Variants in ANKEF1 observed in about 807,000 individuals in gnomAD.
ANKEF1 encodes ankyrin repeat and EF-hand domain containing 1, also known as ankyrin repeat and EF-hand domain-containing protein 1.
In ANKEF1, 43 loss-of-function variants were observed where a neutral mutation model predicts 65.1. The ratio of observed to expected loss-of-function variants is 0.66; its 90% CI spans 0.52 to 0.85. The LOEUF is 0.85. ANKEF1 is among the 40% of genes least tolerant of loss of function. The probability of loss-of-function intolerance (pLI) is 0.00; values close to 1 mark genes in which losing one functional copy is unlikely to be tolerated. For missense variants in ANKEF1, 934 were observed against 952.9 expected (o/e 0.98, Z 0.26); for synonymous variants, 316 against 341.5 (o/e 0.93, Z 0.82).
Position 10,055,546 on chromosome 20 carries a change from G to A in ANKEF1, c.2217G>A (p.Arg739=). 1 of 1,613,754 alleles carries A rather than the reference G, an allele frequency of 6.2e-7. No individual in the cohort carries two copies. Among genetic ancestry groups the A allele is most frequent in the South Asian group, 1.1e-5 (1 of 91,070 alleles). The change falls in exon 11 of 11, where the codon AGG becomes AGA. Residue 739 remains arginine, a synonymous_variant. Transcript: ENST00000378392. ...EATTAELIRK[R]ELRRERFTHE... is the part of the protein sequence containing the mutation. The stretch of plus-strand genomic sequence containing the variant: ...CAACAGCAGAGCTGATCAGGAAGAG[G>A]GAACTACGGCGAGAGAGGTTTACAC...
intron 2 of ANKEF1, 110 bp downstream of exon 2, chr20:10,035,752 A>G (rs1212263291): frequency 6.6e-6 from 1 of 152,256 alleles, no homozygotes; most frequent in African/African-American, 2.4e-5. Flanking sequence ...CCACTGTACC[A>G]AGCTTGTCTT....
chr20:10,049,767 A>T lies in ANKEF1; in HGVS notation c.1198A>T (p.Arg400Ter). The T allele has an allele frequency of 6.2e-7, 1 of 1,614,132 alleles. No individual in the cohort carries two copies. The highest frequency in any genetic ancestry group is 8.5e-7 in the Non-Finnish European group (1 of 1,180,016). Residue 400 changes from arginine to a stop codon, truncating the protein, a stop_gained, in exon 7 of 11, where the codon AGA becomes TGA. Coordinates refer to ENST00000378392, the MANE Select transcript of ANKEF1 (RefSeq NM_022096.6). LOFTEE classifies it high-confidence loss of function. ...TATTAATGAATTCTTTAAAGGAACC[A>T]GATATTTAAACAAGTCTTTTGTCTT... ...VNINEFFKGT[R>*]YLNKSFVLGS...
chr20:10,047,735 AC>A (rs1297515886), intron 6 of ANKEF1, among the ~76,000 whole-genome samples: 1 of 152,186 alleles, frequency 6.6e-6, no homozygotes, highest in Non-Finnish European at 1.5e-5. Flanking sequence ...GAACAACTTT[AC>A]CACAGAGGAG....
chr20:10,044,790 G>A lies in ANKEF1; in HGVS notation c.696+247G>A, dbSNP rs116375417. 7.3e-3 allele frequency among the ~76,000 whole-genome samples: 1,115 copies of A among 151,918 alleles called. 14 individuals carry two copies. The highest frequency in any genetic ancestry group is 0.026 in the African/African-American group (1,058 of 41,420). On this transcript the variant is annotated intron_variant, in intron 5 of 10. Coordinates refer to ENST00000378392, the MANE Select transcript of ANKEF1 (RefSeq NM_022096.6). ...ATTCATAGTATTTTTCTGTACACTCGATGATAACAATTTAAAACTTCTGCC... is the reference window on the plus strand; with the variant it reads ...ATTCATAGTATTTTTCTGTACACTCAATGATAACAATTTAAAACTTCTGCC...
At chr20:10,050,671 G>T (rs1178312534) in intron 7 of ANKEF1, among the ~76,000 whole-genome samples, 2 of 152,132 alleles carry the variant, frequency 1.3e-5, no homozygotes. Flanking sequence ...TGAAGTGAAG[G>T]CCAGTAAGTG....
intron 3 of ANKEF1, among the ~76,000 whole-genome samples, chr20:10,041,472 A>G (rs1883038530): frequency 6.6e-6 from 1 of 151,964 alleles, no homozygotes; most frequent in South Asian, 2.1e-4. Flanking sequence ...TACCTCTGCT[A>G]CTTCCCTTCT....
chr20:10,048,219 A>ATGTGTG (rs140100391), intron 6 of ANKEF1, among the ~76,000 whole-genome samples: 3 of 149,972 alleles, frequency 2.0e-5, no homozygotes, highest in African/African-American at 7.3e-5. Context: ...TAGTATAAAA[A>ATGTGTG]TGTGTGTGTG....
intron 3 of ANKEF1, among the ~76,000 whole-genome samples, chr20:10,040,178 T>G (rs1297821800): frequency 6.6e-6 from 1 of 152,252 alleles, no homozygotes; most frequent in African/African-American, 2.4e-5. Context: ...CCTGCAGCCC[T>G]CACTCTGCAT....
At chr20:10,052,447 A>G (rs1418298753) in intron 8 of ANKEF1, among the ~76,000 whole-genome samples, 1 of 152,218 alleles carries the variant, frequency 6.6e-6, no homozygotes, top group African/African-American at 2.4e-5. Flanking sequence ...TAGGAAGTAA[A>G]CACACAACCT....
In ANKEF1 at chr20:10,044,456, C is replaced by T. The variant is rs750447271; in HGVS notation, c.609C>T (p.Gly203=). The change falls in exon 5 of 11, where the codon GGC becomes GGT. Residue 203 remains glycine, a synonymous_variant. Transcript: ENST00000378392. ...SREGVVEIVR[G]ILERGGEVNA... The stretch of plus-strand genomic sequence containing the variant: ...AAGGGGTAGTGGAAATAGTTCGAGG[C>T]ATATTGGAAAGAGGAGGTGAAGTGA... 1 of 1,614,084 alleles carries T rather than the reference C, an allele frequency of 6.2e-7. No individual in the cohort carries two copies. Among genetic ancestry groups the T allele is most frequent in the Admixed American group, 1.7e-5 (1 of 60,006 alleles).
In ANKEF1 at chr20:10,055,443, G is replaced by A. The variant is rs568350321; in HGVS notation, c.2173-59G>A. 698 of 1,468,538 alleles carry A rather than the reference G, an allele frequency of 4.8e-4. 4 individuals carry two copies. In the African/African-American group the frequency reaches 8.7e-3, roughly 18 times the overall value. 91.0% of individuals were successfully genotyped at this position (1,468,538 alleles called of 1,614,324 possible). A position where few individuals can be genotyped will look rare whatever the true frequency, so the allele number is the denominator to read the frequency against. On this transcript the variant is annotated intron_variant, in intron 10 of 10. Coordinates refer to ENST00000378392, the MANE Select transcript of ANKEF1 (RefSeq NM_022096.6). ...TGTATTGAAAATTGTCTGGATATTA[G>A]CATATTTACTGGCTGTCATACTCAT...
At chr20:10,049,285 T>C in intron 6 of ANKEF1, 105 bp from the exon 7 acceptor site, 1 of 1,125,328 alleles carries the variant, frequency 8.9e-7, no homozygotes, top group Non-Finnish European at 1.3e-6. Context: ...TGGGGACACA[T>C]TTTTTACTAA....
In ANKEF1 at chr20:10,044,458, T is replaced by C. The variant is rs1568512234; in HGVS notation, c.611T>C (p.Ile204Thr). The change falls in exon 5 of 11, where the codon ATA (isoleucine) becomes ACA (threonine). Residue 204 changes from isoleucine (I) to threonine (T), a missense_variant. By Grantham distance (89) the Ile-to-Thr change is moderately conservative (BLOSUM62 -1). Transcript: ENST00000378392. Reference sequence around the variant, plus strand: ...GGGGTAGTGGAAATAGTTCGAGGCATATTGGAAAGAGGAGGTGAAGTGAAT... The same window carrying C: ...GGGGTAGTGGAAATAGTTCGAGGCACATTGGAAAGAGGAGGTGAAGTGAAT... The part of the protein sequence containing the change: ...REGVVEIVRG[I>T]LERGGEVNAF... 2 of 1,613,958 alleles carry C rather than the reference T, an allele frequency of 1.2e-6. No individual in the cohort carries two copies. Among genetic ancestry groups the C allele is most frequent in the African/African-American group, 2.7e-5 (2 of 74,904 alleles).
intron 6 of ANKEF1, among the ~76,000 whole-genome samples, chr20:10,048,365 C>T (rs1377384660): frequency 6.6e-6 from 1 of 151,948 alleles, no homozygotes; most frequent in Non-Finnish European, 1.5e-5. Flanking sequence ...ATCACATCCT[C>T]TAGAATGGGG....
At chr20:10,039,848 AT>A (rs201135794) in intron 3 of ANKEF1, among the ~76,000 whole-genome samples, 55 of 152,052 alleles carry the variant, frequency 3.6e-4, no homozygotes, top group African/African-American at 4.8e-4. Flanking sequence ...CCACAAAATA[AT>A]TTTTTTTAAT....
intron 2 of ANKEF1, among the ~76,000 whole-genome samples, chr20:10,036,593 A>G (rs533404066): frequency 2.4e-4 from 37 of 152,282 alleles, no homozygotes; most frequent in African/African-American, 7.7e-4. Flanking sequence ...TGTAGTCCCA[A>G]CACTTTGGGA....
chr20:10,036,380 T>C (rs1240012497), intron 2 of ANKEF1, among the ~76,000 whole-genome samples: 1 of 149,914 alleles, frequency 6.7e-6, no homozygotes, highest in Non-Finnish European at 1.5e-5. Flanking sequence ...CATATACATA[T>C]GCAGTATGAT....
Position 10,051,711 on chromosome 20 carries a change from T to G in ANKEF1, c.1692T>G (p.Phe564Leu). The part of the protein sequence containing the change: ...TDNFLWTPLH[F>L]ACHAGQQDIV... ...ACTTTCTGTGGACTCCACTTCATTT[T>G]GCATGCCATGCAGGCCAACAAGACA... is the stretch of plus-strand genomic sequence containing the variant. The change falls in exon 8 of 11, where the codon TTT becomes TTG. Residue 564 changes from phenylalanine to leucine, a missense_variant. Coordinates refer to ENST00000378392, the MANE Select transcript of ANKEF1 (RefSeq NM_022096.6). 1.2e-6 allele frequency: 2 copies of G among 1,613,826 alleles called. No individual in the cohort carries two copies. The highest frequency in any genetic ancestry group is 2.2e-5 in the South Asian group (2 of 91,064).
At chr20:10,044,162 G>C (rs1984365954) in intron 4 of ANKEF1, among the ~76,000 whole-genome samples, 1 of 152,110 alleles carries the variant, frequency 6.6e-6, no homozygotes, top group South Asian at 2.1e-4. Flanking sequence ...TATTCTCACA[G>C]GGGCATGCAG....
Sources: gnomAD v4.1 joint callset for allele counts (sites outside exome capture counted in the v4.1 genomes callset) on GRCh38, gnomAD v4.1.1 for gene constraint, MANE v1.5 for transcripts, NCBI Gene and HGNC (gene_info 2026-07-23, HGNC 2026-07-21) for gene names.